SMAD5: variants seen among roughly 807,000 people sequenced by gnomAD.
The protein encoded by SMAD5 is SMAD family member 5, also known as MAD, mothers against decapentaplegic homolog 5.
A neutral mutation model predicts 43.1 loss-of-function variants in SMAD5; 9 were observed. That is an observed-to-expected ratio of 0.21 (90% CI 0.13 to 0.36). SMAD5 has a LOEUF of 0.36. SMAD5 is among the 10% of genes least tolerant of loss of function. The pLI, the probability that SMAD5 is intolerant of heterozygous loss-of-function variation, is 1.00. For missense variants in SMAD5, 348 were observed against 574.0 expected (o/e 0.61, Z 4.02); for synonymous variants, 190 against 192.4 (o/e 0.99, Z 0.10).
intron 1 of SMAD5, among the ~76,000 whole-genome samples, chr5:136,141,391 C>CT (rs1753078121): frequency 6.6e-6 from 1 of 152,170 alleles, no homozygotes; most frequent in Non-Finnish European, 1.5e-5. Flanking sequence ...CTCTGTCTCT[C>CT]TGTGTTCCTC....
At chr5:136,165,269 T>C (rs1753956671) in intron 5 of SMAD5, among the ~76,000 whole-genome samples, 1 of 152,120 alleles carries the variant, frequency 6.6e-6, no homozygotes, top group African/African-American at 2.4e-5. Flanking sequence ...CACCTTAGCA[T>C]CCTGAGTAGC....
At position 136,177,619 on chromosome 5, in the gene SMAD5, T is replaced by C. The variant is rs1754472009; in HGVS notation, c.*139T>C. On this transcript the variant is annotated 3_prime_UTR_variant, in exon 8 of 8. Transcript: ENST00000545279. The stretch of plus-strand genomic sequence containing the variant: ...TTCTACATAATTGTGACCAATACAT[T>C]TGTATTTTGTGATGAATCTACATTT... 1 of 630,690 alleles carries C rather than the reference T, an allele frequency of 1.6e-6. No homozygotes were observed. The highest frequency in any genetic ancestry group is 2.2e-5 in the South Asian group (1 of 45,216). The allele number at this position is 630,690 out of a possible 1,614,324, so 39.1% of individuals were successfully genotyped here.
chr5:136,154,776 C>T (rs1278978277), intron 3 of SMAD5, among the ~76,000 whole-genome samples: 7 of 152,022 alleles, frequency 4.6e-5, no homozygotes, highest in Admixed American at 3.3e-4. Context: ...TTGTCGAGAT[C>T]ACTAGTGACT....
chr5:136,174,733 CT>C, intron 7 of SMAD5, 101 bp downstream of exon 7: 1 of 787,996 alleles, frequency 1.3e-6, no homozygotes, highest in Non-Finnish European at 2.1e-6. Context: ...TTGATAATTG[CT>C]TTTGGCCTGA....
At chr5:136,145,762 C>T (rs941319710) in intron 1 of SMAD5, among the ~76,000 whole-genome samples, 3 of 151,842 alleles carry the variant, frequency 2.0e-5, no homozygotes, top group Admixed American at 6.6e-5. Flanking sequence ...ATAGTATTCA[C>T]GATACAAAAT....
chr5:136,149,166 G>A (rs566324333), intron 2 of SMAD5, among the ~76,000 whole-genome samples: 8 of 151,922 alleles, frequency 5.3e-5, no homozygotes, highest in African/African-American at 1.9e-4. Flanking sequence ...ACACATACTA[G>A]TTCTTTCTGT....
At chr5:136,141,440 G>T (rs1753079723) in intron 1 of SMAD5, among the ~76,000 whole-genome samples, 1 of 152,082 alleles carries the variant, frequency 6.6e-6, no homozygotes, top group Non-Finnish European at 1.5e-5. Flanking sequence ...TACATATAGG[G>T]GTATAGTTTG....
At chr5:136,158,363 CT>C (rs1479918051) in intron 3 of SMAD5, among the ~76,000 whole-genome samples, 33 of 152,220 alleles carry the variant, frequency 2.2e-4, no homozygotes, top group African/African-American at 7.0e-4. Context: ...GTTCTGGATT[CT>C]AGAAGAAAGT....
intron 5 of SMAD5, among the ~76,000 whole-genome samples, chr5:136,171,446 CCTCA>C (rs1040572815): frequency 2.0e-5 from 3 of 152,212 alleles, no homozygotes; most frequent in African/African-American, 7.2e-5. Context: ...CTGGGCACCT[CCTCA>C]CTCCACCCAG....
chr5:136,145,275 A>G (rs1454001989), intron 1 of SMAD5, among the ~76,000 whole-genome samples: 2 of 151,832 alleles, frequency 1.3e-5, no homozygotes, highest in Non-Finnish European at 2.9e-5. Flanking sequence ...CAGTGTGGAC[A>G]TTGTTTTAAC....
chr5:136,134,852 C>T (rs1468433251), intron 1 of SMAD5: 1 of 152,170 alleles, frequency 6.6e-6, no homozygotes, highest in African/African-American at 2.4e-5. Flanking sequence ...GTTAAAAATA[C>T]CTTATTCATC....
chr5:136,150,053 A>G (rs765794561), intron 2 of SMAD5, among the ~76,000 whole-genome samples: 31 of 151,834 alleles, frequency 2.0e-4, no homozygotes, highest in Non-Finnish European at 2.9e-4. Context: ...TGTCTTTTTA[A>G]TAGTGCATTA....
Position 136,147,911 on chromosome 5 carries a change from G to T in SMAD5, c.-170+5G>T, listed in dbSNP as rs1753315897. On this transcript the variant is annotated splice_donor_5th_base_variant and intron_variant, in intron 2 of 7. Coordinates refer to ENST00000545279, the MANE Select transcript of SMAD5 (RefSeq NM_005903.7). The stretch of plus-strand genomic sequence containing the variant: ...AATGTCCAGAAATCTGCCTCTGTAA[G>T]TAACCTTTTAAGATCATTCATGCCA... 1 of 151,674 alleles carries T rather than the reference G, an allele frequency of 6.6e-6. No homozygotes were observed. The allele number at this position is 151,674 out of a possible 1,614,324, so 9.4% of individuals were successfully genotyped here.
intron 3 of SMAD5, among the ~76,000 whole-genome samples, chr5:136,158,871 C>G (rs1753732295): frequency 6.6e-6 from 1 of 151,290 alleles, no homozygotes; most frequent in Non-Finnish European, 1.5e-5. Context: ...TGCACTCCAG[C>G]CTGGGCGACA....
intron 1 of SMAD5, among the ~76,000 whole-genome samples, chr5:136,145,846 G>A (rs765638043): frequency 1.8e-4 from 27 of 151,842 alleles, no homozygotes; most frequent in Non-Finnish European, 3.2e-4. Flanking sequence ...CTTCAAATCC[G>A]GTGCTGTAGT....
intron 6 of SMAD5, among the ~76,000 whole-genome samples, chr5:136,173,819 A>AT (rs958246122): frequency 5.3e-5 from 8 of 150,918 alleles, no homozygotes; most frequent in South Asian, 2.1e-4. Flanking sequence ...TAAAATTTTT[A>AT]TTTTTTTTGC....
chr5:136,177,482 G>A lies in SMAD5; in HGVS notation c.*2G>A. On this transcript the variant is annotated 3_prime_UTR_variant, in exon 8 of 8. Coordinates refer to ENST00000545279, the MANE Select transcript of SMAD5 (RefSeq NM_005903.7). ...AACCCCATATCTTCTGTTTCATAAT[G>A]CAGAAGTATTCTTTTCAATTATATT... The A allele has an allele frequency of 6.2e-7, 1 of 1,603,490 alleles. No homozygotes were observed. The highest frequency in any genetic ancestry group is 8.5e-7 in the Non-Finnish European group (1 of 1,174,106).
chr5:136,174,645 C>T lies in SMAD5; in HGVS notation c.1254+13C>T. On this transcript the variant is annotated intron_variant, in intron 7 of 7. Transcript: ENST00000545279. ...GAGTTTTGTCAAGGTGAGTTGTGAC[C>T]TCTAACATAATTTGAGTCACTATAA... is the stretch of plus-strand genomic sequence containing the variant. The T allele has an allele frequency of 6.3e-7, 1 of 1,587,368 alleles. No homozygotes were observed. Among genetic ancestry groups the T allele is most frequent in the Non-Finnish European group, 8.6e-7 (1 of 1,156,604 alleles).
intron 5 of SMAD5, among the ~76,000 whole-genome samples, chr5:136,165,549 T>A (rs1000990992): frequency 4.6e-5 from 7 of 151,990 alleles, no homozygotes; most frequent in African/African-American, 1.7e-4. Flanking sequence ...CTATACCTGT[T>A]AAATAAAAAT....
Sources: gnomAD v4.1 joint callset for allele counts (sites outside exome capture counted in the v4.1 genomes callset) on GRCh38, gnomAD v4.1.1 for gene constraint, MANE v1.5 for transcripts, NCBI Gene and HGNC (gene_info 2026-07-23, HGNC 2026-07-21) for gene names.